The following CNTN5 variants were observed in gnomAD, a reference collection of about 807,000 sequenced individuals.
The protein encoded by CNTN5 is contactin 5.
A neutral mutation model predicts 129.1 loss-of-function variants in CNTN5; 77 were observed. That is an observed-to-expected ratio of 0.60 (90% CI 0.50 to 0.72). The LOEUF is 0.72. Ranked by LOEUF, CNTN5 falls within the 30% of genes least tolerant of loss-of-function variation. CNTN5 has a pLI of 0.00. For missense variants in CNTN5, 1,478 were observed against 1,328.8 expected, an observed-to-expected ratio of 1.11 and a Z score of -1.75; for synonymous variants, 509 against 465.6, an observed-to-expected ratio of 1.09 and a Z score of -1.20.
chr11:99,269,370 G>A (rs1365569999), intron 1 of CNTN5, among the ~76,000 whole-genome samples: 2 of 150,824 alleles, frequency 1.3e-5, no homozygotes, highest in Non-Finnish European at 3.0e-5. Flanking sequence ...TAAATCGTGG[G>A]GGAGATAAAC....
At chr11:99,153,555 A>G (rs1401109763) in intron 1 of CNTN5, among the ~76,000 whole-genome samples, 2 of 149,910 alleles carry the variant, frequency 1.3e-5, no homozygotes, top group African/African-American at 2.5e-5. Context: ...ATTGTATTCC[A>G]TAGATTCCTT....
At chr11:100,192,363 C>T (rs1278755851) in intron 14 of CNTN5, among the ~76,000 whole-genome samples, 1 of 152,012 alleles carries the variant, frequency 6.6e-6, no homozygotes, top group East Asian at 1.9e-4. Flanking sequence ...GAGGCCAGAA[C>T]TTAGAATGCC....
chr11:99,084,495 T>C (rs180899186), intron 1 of CNTN5, among the ~76,000 whole-genome samples: 2 of 152,326 alleles, frequency 1.3e-5, no homozygotes, highest in Admixed American at 1.3e-4. Flanking sequence ...ATGATGATAT[T>C]TGTGTTGTCC....
intron 1 of CNTN5, among the ~76,000 whole-genome samples, chr11:99,024,979 T>G (rs1406556069): frequency 1.3e-5 from 2 of 151,926 alleles, no homozygotes. Flanking sequence ...AAAACACGGG[T>G]GTAAAGTTGT....
At chr11:99,405,368 A>T (rs1334751197) in intron 2 of CNTN5, among the ~76,000 whole-genome samples, 2 of 151,854 alleles carry the variant, frequency 1.3e-5, no homozygotes, top group Non-Finnish European at 2.9e-5. Flanking sequence ...TATTTTCTAG[A>T]TCCTATAGCT....
chr11:100,144,830 T>TA (rs1016692326), intron 13 of CNTN5, among the ~76,000 whole-genome samples: 7 of 152,048 alleles, frequency 4.6e-5, no homozygotes, highest in African/African-American at 1.7e-4. Context: ...GTTATAATGT[T>TA]AAAAAATTGA....
chr11:99,875,805 A>T (rs1053553141), intron 6 of CNTN5, among the ~76,000 whole-genome samples: 1 of 152,166 alleles, frequency 6.6e-6, no homozygotes, highest in African/African-American at 2.4e-5. Context: ...AAATGACTCA[A>T]TGAATAAATC....
chr11:99,945,679 A>G (rs902167432), intron 7 of CNTN5, among the ~76,000 whole-genome samples: 1 of 151,992 alleles, frequency 6.6e-6, no homozygotes, highest in Admixed American at 6.6e-5. Context: ...GGCCCTATAA[A>G]CAAGCTCAAG....
At chr11:99,323,782 T>G (rs1310425955) in intron 1 of CNTN5, among the ~76,000 whole-genome samples, 1 of 152,132 alleles carries the variant, frequency 6.6e-6, no homozygotes, top group Non-Finnish European at 1.5e-5. Flanking sequence ...TCAACAAAAT[T>G]CCTGCCTTTT....
intron 3 of CNTN5, among the ~76,000 whole-genome samples, chr11:99,815,509 T>C (rs151078613): frequency 3.0e-4 from 45 of 152,234 alleles, no homozygotes; most frequent in Middle Eastern, 3.4e-3. Context: ...ATACGACTGA[T>C]GAAAGCCACT....
chr11:100,302,456 T>C (rs1358773077), intron 20 of CNTN5, among the ~76,000 whole-genome samples: 3 of 151,626 alleles, frequency 2.0e-5, no homozygotes, highest in Non-Finnish European at 4.4e-5. Context: ...GTTTATCACC[T>C]TGAAATTCCT....
intron 2 of CNTN5, among the ~76,000 whole-genome samples, chr11:99,511,677 T>C (rs2135412578): frequency 6.6e-6 from 1 of 152,062 alleles, no homozygotes; most frequent in Admixed American, 6.6e-5. Context: ...TGTGGGAATC[T>C]AAGTCTCTTT....
intron 1 of CNTN5, among the ~76,000 whole-genome samples, chr11:99,157,691 A>G (rs1228155645): frequency 1.3e-5 from 2 of 152,174 alleles, no homozygotes; most frequent in Non-Finnish European, 2.9e-5. Context: ...TTAACTTTAT[A>G]TATCTTAAGC....
At chr11:99,263,231 A>G (rs901643206) in intron 1 of CNTN5, among the ~76,000 whole-genome samples, 1 of 152,142 alleles carries the variant, frequency 6.6e-6, no homozygotes, top group Non-Finnish European at 1.5e-5. Context: ...AACAGTAATC[A>G]GCACAATTGC....
At chr11:99,504,370 G>A (rs997902109) in intron 2 of CNTN5, among the ~76,000 whole-genome samples, 1 of 151,634 alleles carries the variant, frequency 6.6e-6, no homozygotes, top group South Asian at 2.1e-4. Context: ...GTGAAACCCC[G>A]TCTCTACTAA....
chr11:99,835,701 G>T (rs1010907086), intron 4 of CNTN5, among the ~76,000 whole-genome samples: 1 of 152,146 alleles, frequency 6.6e-6, no homozygotes, highest in Non-Finnish European at 1.5e-5. Flanking sequence ...TGTGAAGAAG[G>T]CTTGGAGCTC....
intron 2 of CNTN5, among the ~76,000 whole-genome samples, chr11:99,356,241 C>T (rs1010949802): frequency 1.3e-5 from 2 of 151,872 alleles, no homozygotes; most frequent in Non-Finnish European, 2.9e-5. Context: ...AAGTTAGAAA[C>T]AATTTTAAAC....
At chr11:100,250,352 CTCTATCCTTTCTTCCTTTATTTATTTT>C (rs1450704831) in intron 16 of CNTN5, among the ~76,000 whole-genome samples, 7 of 152,060 alleles carry the variant, frequency 4.6e-5, no homozygotes, top group Non-Finnish European at 7.4e-5. Flanking sequence ...AATATAACTC[CTCTATCCTTTCTTCCTTTATTTATTTT>C]TCCTTCTTTT....
At chr11:100,005,577 G>C (rs1940140549) in intron 9 of CNTN5, among the ~76,000 whole-genome samples, 1 of 152,120 alleles carries the variant, frequency 6.6e-6, no homozygotes, top group African/African-American at 2.4e-5. Flanking sequence ...TTGTATAACT[G>C]AAACTTTATT....
Sources: allele counts gnomAD v4.1 joint callset (sites outside exome capture counted in the v4.1 genomes callset), GRCh38; gene constraint gnomAD v4.1.1; transcripts MANE v1.5; gene names NCBI Gene and HGNC (gene_info 2026-07-23, HGNC 2026-07-21).